Variants in GOLGA1 observed in about 807,000 individuals in gnomAD.
GOLGA1 encodes the protein golgin A1, also known as golgin subfamily A member 1.
In GOLGA1, 63 loss-of-function variants were observed where a neutral mutation model predicts 119.7. The ratio of observed to expected loss-of-function variants is 0.53; its 90% CI spans 0.43 to 0.65. GOLGA1 has a LOEUF of 0.65. GOLGA1 is among the 30% of genes least tolerant of loss of function. The pLI, the probability that GOLGA1 is intolerant of heterozygous loss-of-function variation, is 0.00. For missense variants in GOLGA1, 798 were observed against 912.8 expected, an observed-to-expected ratio of 0.87 and a Z score of 1.62; for synonymous variants, 318 against 333.4, an observed-to-expected ratio of 0.95 and a Z score of 0.50.
chr9:124,923,022 A>T, intron 8 of GOLGA1, 73 bp downstream of exon 8: 1 of 931,532 alleles, frequency 1.1e-6, no homozygotes, highest in Non-Finnish European at 1.7e-6. Flanking sequence ...CAGCAATTAG[A>T]GAGTGATGAC....
intron 1 of GOLGA1, 33 bp from the exon 2 acceptor site, chr9:124,940,188 A>G (rs768359322): frequency 6.6e-6 from 1 of 151,994 alleles, no homozygotes; most frequent in Non-Finnish European, 1.5e-5. Context: ...TGCATTGGGT[A>G]TTTCTTTTCA....
chr9:124,929,425 A>C lies in GOLGA1; in HGVS notation c.227-135T>G, dbSNP rs570042596. On this transcript the variant is annotated intron_variant, in intron 4 of 22. Transcript: ENST00000373555. ...CCATTCCTGTTAAGGAAAGCTAGAC[A>C]GACAGCCTCCCATTAACAATGAACA... 2 of 672,138 alleles carry C rather than the reference A, an allele frequency of 3.0e-6. 1 individual carries two copies. The highest frequency in any genetic ancestry group is 3.3e-5 in the South Asian group (2 of 60,226). The allele number at this position is 672,138 out of a possible 1,614,324, so 41.6% of individuals were successfully genotyped here.
intron 15 of GOLGA1, among the ~76,000 whole-genome samples, chr9:124,897,941 A>G (rs1384975236): frequency 6.6e-6 from 1 of 152,198 alleles, no homozygotes; most frequent in East Asian, 1.9e-4. Context: ...GTGCTTTGAA[A>G]GGGGCCACGG....
At chr9:124,897,718 T>TG (rs1830011683) in intron 15 of GOLGA1, among the ~76,000 whole-genome samples, 1 of 151,978 alleles carries the variant, frequency 6.6e-6, no homozygotes, top group African/African-American at 2.4e-5. Context: ...AAGGAATGCA[T>TG]GAAAAAAAAA....
intron 12 of GOLGA1, among the ~76,000 whole-genome samples, chr9:124,903,196 G>A (rs1025985068): frequency 6.6e-6 from 1 of 152,090 alleles, no homozygotes; most frequent in East Asian, 1.9e-4. Flanking sequence ...TCCATCAAAA[G>A]CTGGGTGTGG....
rs1408661805 is a variant in GOLGA1, at chr9:124,946,198, AACAAC to A, written c.-156+1715_-156+1719del. On this transcript the variant is annotated intron_variant, in intron 1 of 4. Coordinates refer to the GOLGA1 transcript ENST00000421514. The surrounding 1 kb of genome is among the most constrained non-coding windows in gnomAD (Gnocchi z 4.0). ...GCAAAAACAATGATTTGGTTATTCA[AACAAC>A]AAACCATCAGATCCTATGGATGTTT... is the stretch of plus-strand genomic sequence containing the variant. 12 of 152,208 alleles carry A rather than the reference AACAAC, an allele frequency of 7.9e-5. No homozygotes were observed. Among genetic ancestry groups the A allele is most frequent in the African/African-American group, 2.2e-4 (9 of 41,450 alleles). 9.4% of individuals were successfully genotyped at this position (152,208 alleles called of 1,614,324 possible).
intron 7 of GOLGA1, among the ~76,000 whole-genome samples, chr9:124,925,582 T>C (rs1400388967): frequency 6.6e-6 from 1 of 151,926 alleles, no homozygotes; most frequent in Non-Finnish European, 1.5e-5. Context: ...AGCTGGGCAC[T>C]GTGGCTCAAG....
chr9:124,901,395 T>A (rs1830102430), intron 12 of GOLGA1, among the ~76,000 whole-genome samples: 1 of 150,984 alleles, frequency 6.6e-6, no homozygotes, highest in Non-Finnish European at 1.5e-5. Flanking sequence ...CTCAGCCTCC[T>A]GGGTAGCTAG....
At position 124,888,417 on chromosome 9, in the gene GOLGA1, A is replaced by G; in HGVS notation, c.1762-21T>C. The stretch of plus-strand genomic sequence containing the variant: ...GTCACCTACAAGGTGGCAGCAGCAA[A>G]TTGAGAGCCAGGACAGGTCAGGTGA... On this transcript the variant is annotated intron_variant, in intron 18 of 22. Transcript: ENST00000373555. The surrounding 1 kb of genome is among the most constrained non-coding windows in gnomAD (Gnocchi z 4.4). The G allele has an allele frequency of 1.2e-6, 2 of 1,613,036 alleles. No individual in the cohort carries two copies. The highest frequency in any genetic ancestry group is 1.7e-6 in the Non-Finnish European group (2 of 1,179,230).
chr9:124,887,005 C>T (rs542938993), intron 19 of GOLGA1, among the ~76,000 whole-genome samples: 19 of 152,288 alleles, frequency 1.2e-4, no homozygotes, highest in Middle Eastern at 3.4e-3. Flanking sequence ...GCCTCCATGG[C>T]TGCAGGCAGG....
chr9:124,944,675 A>C (rs1831114729), upstream of GOLGA1: 1 of 152,132 alleles, frequency 6.6e-6, no homozygotes, highest in South Asian at 2.1e-4. Flanking sequence ...GGGTGGAAAT[A>C]AGCTTTTTAA....
chr9:124,909,930 AATTT>A (rs532963662), intron 11 of GOLGA1, among the ~76,000 whole-genome samples: 3 of 151,714 alleles, frequency 2.0e-5, no homozygotes, highest in African/African-American at 4.8e-5. Flanking sequence ...ATGCCCAGCT[AATTT>A]ATTTATTTAT....
chr9:124,912,526 C>A (rs772813467), intron 10 of GOLGA1, among the ~76,000 whole-genome samples: 5 of 152,124 alleles, frequency 3.3e-5, no homozygotes, highest in African/African-American at 1.2e-4. Flanking sequence ...CCAACAGCTG[C>A]CCGTTTTATT....
intron 10 of GOLGA1, among the ~76,000 whole-genome samples, chr9:124,915,858 C>T (rs1830431727): frequency 6.6e-6 from 1 of 151,826 alleles, no homozygotes. Flanking sequence ...AATCCTAGCA[C>T]TTTGGGAGTC....
rs534742350 is a variant in GOLGA1, at chr9:124,878,970, G to A, written c.*1560C>T. The A allele has an allele frequency of 6.6e-6, 1 of 152,378 alleles. No homozygotes were observed. Among genetic ancestry groups the A allele is most frequent in the Admixed American group, 6.5e-5 (1 of 15,308 alleles). The allele number at this position is 152,378 out of a possible 1,614,324, so 9.4% of individuals were successfully genotyped here. On this transcript the variant is annotated 3_prime_UTR_variant, in exon 23 of 23. Coordinates refer to ENST00000373555, the MANE Select transcript of GOLGA1 (RefSeq NM_002077.4). ...TAAACAAGGGATAACTGTCTGCAAG[G>A]AGGAGCCAGAGGAGGAGGTTAGTCA...
intron 15 of GOLGA1, among the ~76,000 whole-genome samples, chr9:124,892,656 G>A (rs1829881211): frequency 6.6e-6 from 1 of 151,996 alleles, no homozygotes; most frequent in Admixed American, 6.6e-5. Context: ...TTTCAGGCTG[G>A]GCATGGTGGC....
chr9:124,884,182 T>C (rs923216177), intron 19 of GOLGA1, among the ~76,000 whole-genome samples: 1 of 152,010 alleles, frequency 6.6e-6, no homozygotes, highest in Admixed American at 6.5e-5. Flanking sequence ...CAGCTAATTT[T>C]TGTCATTTTA....
chr9:124,943,070 AACAG>A (rs1831084101), upstream of GOLGA1: 1 of 152,234 alleles, frequency 6.6e-6, no homozygotes, highest in Admixed American at 6.5e-5. Context: ...TATTAACCAT[AACAG>A]ACAAAGAAGA....
chr9:124,901,274 T>A (rs553987507), intron 12 of GOLGA1, among the ~76,000 whole-genome samples: 159 of 77,376 alleles, frequency 2.1e-3, no homozygotes, highest in Non-Finnish European at 5.0e-3. Context: ...CCCGGCCTAT[T>A]TTTTTTTTTT....
Sources: allele counts gnomAD v4.1 joint callset (sites outside exome capture counted in the v4.1 genomes callset), GRCh38; gene constraint gnomAD v4.1.1; non-coding constraint Gnocchi (gnomAD v3.1); transcripts MANE v1.5; gene names NCBI Gene and HGNC (gene_info 2026-07-23, HGNC 2026-07-21).